Variants in MALRD1 observed in about 807,000 individuals in gnomAD.
MALRD1 encodes MAM and LDL receptor class A domain containing 1.
Under a neutral mutation model 242.1 loss-of-function variants are expected in MALRD1, and 247 were observed. That is an observed-to-expected ratio of 1.02 (90% CI 0.92 to 1.13). The LOEUF is 1.13. Ranked by LOEUF, MALRD1 falls within the 50% of genes most tolerant of loss-of-function variation. MALRD1 has a pLI of 0.00. For missense variants in MALRD1, 2,989 were observed against 2,533.1 expected (o/e 1.18, Z -3.86); for synonymous variants, 995 against 866.6 (o/e 1.15, Z -2.60).
chr10:19,299,899 G>A (rs1395320093), intron 21 of MALRD1, among the ~76,000 whole-genome samples: 3 of 151,882 alleles, frequency 2.0e-5, no homozygotes, highest in Non-Finnish European at 2.9e-5. Flanking sequence ...AATAAAAAAG[G>A]CATCTGAATA....
intron 38 of MALRD1, among the ~76,000 whole-genome samples, chr10:19,699,736 G>A (rs9665109): frequency 4.6e-5 from 7 of 152,012 alleles, no homozygotes; most frequent in African/African-American, 9.7e-5. Flanking sequence ...GAGCTTGCAC[G>A]TCACATGGTG....
At chr10:19,462,806 A>G (rs914026957) in intron 29 of MALRD1, among the ~76,000 whole-genome samples, 3 of 152,148 alleles carry the variant, frequency 2.0e-5, no homozygotes, top group African/African-American at 7.2e-5. Flanking sequence ...GGAGACGGAG[A>G]GGGGGCTGCC....
intron 19 of MALRD1, among the ~76,000 whole-genome samples, chr10:19,266,751 T>C (rs977441368): frequency 3.0e-4 from 45 of 152,018 alleles, no homozygotes; most frequent in African/African-American, 1.1e-3. Flanking sequence ...GCAAAATTAA[T>C]TACATTTCTA....
chr10:19,314,883 A>G (rs1158710281), intron 21 of MALRD1, among the ~76,000 whole-genome samples: 1 of 151,210 alleles, frequency 6.6e-6, no homozygotes, highest in African/African-American at 2.4e-5. Flanking sequence ...CGTTAGGTAT[A>G]AGTGTTATAT....
At chr10:19,676,880 T>G (rs4748606) in intron 36 of MALRD1, among the ~76,000 whole-genome samples, 4 of 151,958 alleles carry the variant, frequency 2.6e-5, no homozygotes, top group Admixed American at 2.6e-4. Flanking sequence ...TGTGTTCTCA[T>G]TGTTCAGCTT....
intron 29 of MALRD1, among the ~76,000 whole-genome samples, chr10:19,463,849 C>T (rs977808752): frequency 1.3e-5 from 2 of 152,078 alleles, no homozygotes; most frequent in Non-Finnish European, 2.9e-5. Flanking sequence ...TAAAAGTGTT[C>T]CCTTTGTGCC....
chr10:19,582,226 A>G (rs963757094), intron 33 of MALRD1, among the ~76,000 whole-genome samples: 2 of 152,110 alleles, frequency 1.3e-5, no homozygotes, highest in Non-Finnish European at 2.9e-5. Context: ...CTTTAGTTTA[A>G]TTAGATCCCA....
chr10:19,420,786 A>G lies in MALRD1; in HGVS notation c.4846-29521A>G, dbSNP rs973467024. ...CCAGGGATAGATACACAATAAATGCAGTGCACAGGGGTAGCAACGTCATCA... is the reference window on the plus strand; with the variant it reads ...CCAGGGATAGATACACAATAAATGCGGTGCACAGGGGTAGCAACGTCATCA... On this transcript the variant is annotated intron_variant, in intron 28 of 39. Coordinates refer to ENST00000454679, the MANE Select transcript of MALRD1 (RefSeq NM_001142308.3). Among the ~76,000 whole-genome samples, 6 of 152,230 alleles carry G rather than the reference A, an allele frequency of 3.9e-5. 1 individual carries two copies. Among genetic ancestry groups the G allele is most frequent in the Admixed American group, 3.9e-4 (6 of 15,284 alleles).
At chr10:19,263,093 G>C (rs1044895614) in intron 19 of MALRD1, among the ~76,000 whole-genome samples, 1 of 152,092 alleles carries the variant, frequency 6.6e-6, no homozygotes, top group African/African-American at 2.4e-5. Context: ...CAATGAACAT[G>C]GGAGTTCATT....
chr10:19,717,801 G>C (rs529770732), intron 38 of MALRD1, among the ~76,000 whole-genome samples: 2 of 152,096 alleles, frequency 1.3e-5, no homozygotes, highest in East Asian at 3.9e-4. Flanking sequence ...TGAAACACTT[G>C]AGGTCAGGAG....
At chr10:19,305,495 G>C (rs2131969429) in intron 21 of MALRD1, among the ~76,000 whole-genome samples, 1 of 151,244 alleles carries the variant, frequency 6.6e-6, no homozygotes, top group East Asian at 2.0e-4. Context: ...TCAATATAAA[G>C]CTAAATAAAA....
intron 36 of MALRD1, among the ~76,000 whole-genome samples, chr10:19,660,068 G>A (rs1841357377): frequency 6.6e-6 from 1 of 152,130 alleles, no homozygotes; most frequent in African/African-American, 2.4e-5. Context: ...CTCTCTGGGG[G>A]TTTATTCCAC....
chr10:19,387,866 G>C (rs1846153166), intron 27 of MALRD1, 93 bp downstream of exon 27: 2 of 1,417,048 alleles, frequency 1.4e-6, no homozygotes, highest in Non-Finnish European at 1.9e-6. Context: ...GCTCTGAAGA[G>C]ACCACCACGA....
At chr10:19,699,923 C>T (rs1369898206) in intron 38 of MALRD1, among the ~76,000 whole-genome samples, 1 of 151,940 alleles carries the variant, frequency 6.6e-6, no homozygotes, top group Non-Finnish European at 1.5e-5. Flanking sequence ...TACAATTCAA[C>T]ATGAGATTTG....
At chr10:19,661,208 A>G (rs1013339777) in intron 36 of MALRD1, among the ~76,000 whole-genome samples, 2 of 152,238 alleles carry the variant, frequency 1.3e-5, no homozygotes, top group African/African-American at 4.8e-5. Flanking sequence ...TAGTTCAACC[A>G]TTGTGGAAGT....
chr10:19,146,714 A>T (rs559350579), intron 11 of MALRD1, among the ~76,000 whole-genome samples: 1 of 152,342 alleles, frequency 6.6e-6, no homozygotes, highest in East Asian at 1.9e-4. Flanking sequence ...GTTTCTGGGA[A>T]CTGAGAACAG....
chr10:19,597,960 G>A (rs774676819), intron 34 of MALRD1, among the ~76,000 whole-genome samples: 2 of 152,166 alleles, frequency 1.3e-5, no homozygotes, highest in African/African-American at 2.4e-5. Flanking sequence ...AGCATATTTT[G>A]TGTTGCTAGA....
At chr10:19,645,451 C>T (rs1180383315) in intron 36 of MALRD1, among the ~76,000 whole-genome samples, 1 of 152,162 alleles carries the variant, frequency 6.6e-6, no homozygotes, top group African/African-American at 2.4e-5. Context: ...TGGCGCTATT[C>T]ACAATAGCAA....
At chr10:19,362,553 T>C (rs1195803811) in intron 26 of MALRD1, among the ~76,000 whole-genome samples, 1 of 152,120 alleles carries the variant, frequency 6.6e-6, no homozygotes, top group East Asian at 1.9e-4. Flanking sequence ...CAGGTGATGG[T>C]ACCAAGACAG....
Sources: allele counts gnomAD v4.1 joint callset (sites outside exome capture counted in the v4.1 genomes callset), GRCh38; gene constraint gnomAD v4.1.1; transcripts MANE v1.5; gene names NCBI Gene and HGNC (gene_info 2026-07-23, HGNC 2026-07-21).